RHBDL2: variants seen among roughly 807,000 people sequenced by gnomAD.
RHBDL2 encodes rhomboid like 2.
In RHBDL2, 26 loss-of-function variants were observed where a neutral mutation model predicts 31.7. The ratio of observed to expected loss-of-function variants is 0.82; its 90% confidence interval spans 0.60 to 1.14. RHBDL2 has a LOEUF of 1.14. Among genes scored for constraint, RHBDL2 ranks in the 50% most tolerant of loss-of-function variants. The pLI is 0.00. For missense variants in RHBDL2, 336 were observed against 364.4 expected (o/e 0.92, Z 0.63); for synonymous variants, 123 against 127.2 (o/e 0.97, Z 0.22).
rs1180833569 is a variant in RHBDL2 at position 38,886,126 on chromosome 1, T to G, written c.*378A>C. On this transcript the variant is annotated 3_prime_UTR_variant, in exon 8 of 8. Coordinates refer to ENST00000372990, the MANE Select transcript of RHBDL2 (RefSeq NM_017821.5). ...CCACCACGCCCGGCTAATTTTTGTA[T>G]TTTCTTTAGTAGAGACAGGGTTTCA... is the stretch of plus-strand genomic sequence containing the variant. The G allele has an allele frequency of 6.5e-6, 1 of 152,776 alleles. No homozygotes were observed. The highest frequency in any genetic ancestry group is 1.5e-5 in the Non-Finnish European group (1 of 68,486). 9.5% of individuals were successfully genotyped at this position (152,776 alleles called of 1,614,324 possible).
At chr1:38,908,404 C>T (rs1201527319) in intron 4 of RHBDL2, among the ~76,000 whole-genome samples, 2 of 147,654 alleles carry the variant, frequency 1.4e-5, no homozygotes, top group Non-Finnish European at 1.5e-5. Context: ...CCCAGCTACT[C>T]GGGAGGCTGA....
At chr1:38,938,437 C>T (rs929172049) in intron 1 of RHBDL2, among the ~76,000 whole-genome samples, 2 of 152,018 alleles carry the variant, frequency 1.3e-5, no homozygotes, top group African/African-American at 2.4e-5. Flanking sequence ...TCCATTTCCC[C>T]AAATATACCC....
At chr1:38,937,140 G>C (rs1315096287) in intron 1 of RHBDL2, among the ~76,000 whole-genome samples, 2 of 150,008 alleles carry the variant, frequency 1.3e-5, no homozygotes, top group Non-Finnish European at 3.0e-5. Flanking sequence ...GTAGAGACAG[G>C]GTTTCACCAT....
intron 4 of RHBDL2, among the ~76,000 whole-genome samples, chr1:38,909,800 T>C (rs900269613): frequency 2.0e-5 from 3 of 152,126 alleles, no homozygotes; most frequent in Non-Finnish European, 4.4e-5. Flanking sequence ...TATGCCACTA[T>C]CATATGTTCC....
At chr1:38,936,676 T>G (rs1570945505) in intron 1 of RHBDL2, among the ~76,000 whole-genome samples, 1 of 152,044 alleles carries the variant, frequency 6.6e-6, no homozygotes, top group South Asian at 2.1e-4. Flanking sequence ...ATTTTTGCAT[T>G]TTTAGTAGAG....
At chr1:38,906,778 A>T (rs2124319823) in intron 4 of RHBDL2, among the ~76,000 whole-genome samples, 1 of 152,314 alleles carries the variant, frequency 6.6e-6, no homozygotes, top group Non-Finnish European at 1.5e-5. Flanking sequence ...AGGAGATATA[A>T]ATAAAAGACA....
chr1:38,908,927 G>A (rs971247172), intron 4 of RHBDL2, among the ~76,000 whole-genome samples: 1 of 152,208 alleles, frequency 6.6e-6, no homozygotes, highest in African/African-American at 2.4e-5. Context: ...GTTTTATTGA[G>A]TGGAAGTAGC....
chr1:38,930,685 C>T (rs1157558348), intron 1 of RHBDL2, among the ~76,000 whole-genome samples: 2 of 152,114 alleles, frequency 1.3e-5, no homozygotes, highest in African/African-American at 4.8e-5. Context: ...CCTAGCACAC[C>T]AGAGCACAGG....
intron 1 of RHBDL2, among the ~76,000 whole-genome samples, chr1:38,928,430 C>A (rs1315374287): frequency 1.0e-5 from 1 of 99,070 alleles, no homozygotes; most frequent in East Asian, 2.2e-4. Flanking sequence ...GGGTGAGCCA[C>A]GGCGCCCGGC....
Position 38,927,435 on chromosome 1 carries a change from A to G in RHBDL2, c.-125-8098T>C, listed in dbSNP as rs577500190. ...GAGCCAGACTCCATCTCAAAAAAAAAGAAAAGAAAAGAGCCTCCTACCAAC... is the reference window on the plus strand; with the variant it reads ...GAGCCAGACTCCATCTCAAAAAAAAGGAAAAGAAAAGAGCCTCCTACCAAC... On this transcript the variant is annotated intron_variant, in intron 1 of 7. Transcript: ENST00000372990. Among the ~76,000 whole-genome samples the G allele has an allele frequency of 2.0e-5, 3 of 152,216 alleles. No homozygotes were observed. The East Asian group carries it at 5.8e-4, about 29-fold the overall frequency.
In RHBDL2 at chr1:38,896,593, A is replaced by G. The variant is rs1231149923; in HGVS notation, c.509-524T>C. ...ACCTAATATTATTGCAAAATATCCT[A>G]TGTTCAGTCAAAATACCTGAGACAA... On this transcript the variant is annotated intron_variant, in intron 4 of 7. Coordinates refer to ENST00000372990, the MANE Select transcript of RHBDL2 (RefSeq NM_017821.5). Among the ~76,000 whole-genome samples the G allele has an allele frequency of 2.6e-5, 4 of 152,296 alleles. No individual in the cohort carries two copies. The East Asian group carries it at 7.7e-4, about 29-fold the overall frequency.
chr1:38,939,317 G>A (rs868197934), intron 1 of RHBDL2, among the ~76,000 whole-genome samples: 67 of 151,942 alleles, frequency 4.4e-4, no homozygotes, highest in African/African-American at 1.6e-3. Flanking sequence ...CTCAGCTCAC[G>A]GCAGCCTTGG....
chr1:38,891,439 A>G lies in RHBDL2; in HGVS notation c.670+1725T>C, dbSNP rs568891595. Among the ~76,000 whole-genome samples, 20 of 152,310 alleles carry G rather than the reference A, an allele frequency of 1.3e-4. No individual in the cohort carries two copies. In the East Asian group the frequency reaches 3.9e-3, roughly 29 times the overall value. On this transcript the variant is annotated intron_variant, in intron 6 of 7. Transcript: ENST00000372990. ...TTTCAATAGTAGGTAAACCAGGCCA[A>G]AGAACTTTTAGAAATGAAGCAGACT...
chr1:38,890,310 G>A (rs540590856), intron 6 of RHBDL2, among the ~76,000 whole-genome samples: 60 of 152,202 alleles, frequency 3.9e-4, no homozygotes, highest in African/African-American at 1.4e-3. Flanking sequence ...GTGAGCTACC[G>A]TGCCTGGCCC....
At chr1:38,912,896 ATATATATATATATATG>A (rs1438334877) in intron 3 of RHBDL2, among the ~76,000 whole-genome samples, 26 of 43,572 alleles carry the variant, frequency 6.0e-4, no homozygotes, top group East Asian at 3.7e-3. Context: ...ATATATATAT[ATATATATATATATATG>A]TGTGTGTGTG....
intron 4 of RHBDL2, among the ~76,000 whole-genome samples, chr1:38,905,692 C>T (rs960505400): frequency 6.8e-6 from 1 of 147,548 alleles, no homozygotes; most frequent in Non-Finnish European, 1.5e-5. Flanking sequence ...GTGGAGGTTG[C>T]AGTGAGCCAA....
chr1:38,929,613 G>A, intron 1 of RHBDL2: 1 of 1,264,564 alleles, frequency 7.9e-7, no homozygotes, highest in East Asian at 5.6e-5. Flanking sequence ...GACCCGCCTT[G>A]ATGTGGCTGG....
intron 1 of RHBDL2, among the ~76,000 whole-genome samples, chr1:38,936,765 GC>G (rs1312989690): frequency 6.6e-6 from 1 of 151,962 alleles, no homozygotes; most frequent in African/African-American, 2.4e-5. Flanking sequence ...CTCCCAAAGT[GC>G]TGGGATTACA....
chr1:38,912,943 T>TGG, intron 3 of RHBDL2, among the ~76,000 whole-genome samples: 1 of 124,772 alleles, frequency 8.0e-6, no homozygotes, highest in Non-Finnish European at 1.6e-5. Context: ...TGTGTGTGTG[T>TGG]GTGTGTATTT....
Sources: allele counts gnomAD v4.1 joint callset (sites outside exome capture counted in the v4.1 genomes callset), GRCh38; gene constraint gnomAD v4.1.1; transcripts MANE v1.5; gene names NCBI Gene and HGNC (gene_info 2026-07-23, HGNC 2026-07-21).